Variants in FAM76B observed in about 807,000 individuals in gnomAD.
FAM76B encodes family with sequence similarity 76 member B.
A neutral mutation model predicts 51.8 loss-of-function variants in FAM76B; 16 were observed. The ratio of observed to expected loss-of-function variants is 0.31; its 90% CI spans 0.21 to 0.47. FAM76B has a LOEUF of 0.47. Among genes scored for constraint, FAM76B ranks in the 20% least tolerant of loss-of-function variants. FAM76B has a pLI of 1.00. For synonymous variants in FAM76B, 166 were observed against 129.5 expected (o/e 1.28, Z -1.91); for missense variants, 342 against 392.6 (o/e 0.87, Z 1.09).
At position 95,786,013 on chromosome 11, in the gene FAM76B, G is replaced by C. The variant is rs1591025312; in HGVS notation, c.363+106C>G. 8.1e-6 allele frequency: 11 copies of C among 1,365,628 alleles called. No homozygotes were observed. The East Asian group carries it at 2.3e-4, about 29-fold the overall frequency. 84.6% of individuals were successfully genotyped at this position (1,365,628 alleles called of 1,614,324 possible). A position where few individuals can be genotyped will look rare whatever the true frequency, so the allele number is the denominator to read the frequency against. ...TTTCATCTAACTACTTGCTTTCATG[G>C]ACCTAAAGAATAGATCCAGTCTCAG... On this transcript the variant is annotated intron_variant, in intron 4 of 9. Transcript: ENST00000358780.
Position 95,778,806 on chromosome 11 carries a change from T to A in FAM76B, c.828+16A>T. 6.3e-7 allele frequency: 1 copy of A among 1,582,042 alleles called. No individual in the cohort carries two copies. The highest frequency in any genetic ancestry group is 8.6e-7 in the Non-Finnish European group (1 of 1,168,940). ...ACACATAACTCTTACCAGGCTTCAA[T>A]GAACCATGTTCTTACCTTTTTATCT... On this transcript the variant is annotated intron_variant, in intron 8 of 9. Transcript: ENST00000358780.
chr11:95,777,343 T>G (rs1189877524), intron 8 of FAM76B, among the ~76,000 whole-genome samples: 1 of 151,266 alleles, frequency 6.6e-6, no homozygotes, highest in African/African-American at 2.4e-5. Context: ...AGAGGAACAC[T>G]AACAAAAGCA....
At chr11:95,778,746 G>T in intron 8 of FAM76B, 76 bp downstream of exon 8, 1 of 1,455,450 alleles carries the variant, frequency 6.9e-7, no homozygotes. Flanking sequence ...ATTAAAGGAA[G>T]TCTAATAAAA....
At chr11:95,787,793 C>T (rs888620894) in intron 2 of FAM76B, 115 bp from the exon 3 acceptor site, 1 of 812,920 alleles carries the variant, frequency 1.2e-6, no homozygotes, top group African/African-American at 1.8e-5. Context: ...ATAAGGACCA[C>T]GGATTTTTTT....
intron 9 of FAM76B, among the ~76,000 whole-genome samples, chr11:95,773,112 A>C (rs897403307): frequency 1.5e-5 from 2 of 135,594 alleles, no homozygotes; most frequent in Non-Finnish European, 3.5e-5. Context: ...TAAAATGTGA[A>C]TCTCCAAGTT....
chr11:95,770,293 G>A lies in FAM76B; in HGVS notation c.*1268C>T, dbSNP rs1859710893. On this transcript the variant is annotated 3_prime_UTR_variant, in exon 10 of 10. Coordinates refer to ENST00000358780, the MANE Select transcript of FAM76B (RefSeq NM_144664.5). ...TTTATAGACAATTTTAAAGACTTTA[G>A]GACAATTTACTTATAATGCCTGAAT... 1.3e-5 allele frequency: 2 copies of A among 151,624 alleles called. No homozygotes were observed. Among genetic ancestry groups the A allele is most frequent in the Admixed American group, 1.3e-4 (2 of 15,140 alleles). 9.4% of individuals were successfully genotyped at this position (151,624 alleles called of 1,614,324 possible). A position where few individuals can be genotyped will look rare whatever the true frequency, so the allele number is the denominator to read the frequency against.
chr11:95,788,130 A>G lies in FAM76B; in HGVS notation c.152+369T>C, dbSNP rs1445982080. On this transcript the variant is annotated intron_variant, in intron 2 of 9. Transcript: ENST00000358780. Reference sequence around the variant, plus strand: ...ACGTACTACTCCTCTTCTATGTAACAAATTATTAGATTTTCACCTTGGAAG... The same window carrying G: ...ACGTACTACTCCTCTTCTATGTAACGAATTATTAGATTTTCACCTTGGAAG... 1.3e-5 allele frequency among the ~76,000 whole-genome samples: 2 copies of G among 152,230 alleles called. 1 individual carries two copies. Among genetic ancestry groups the G allele is most frequent in the South Asian group, 4.1e-4 (2 of 4,834 alleles).
At position 95,771,643 on chromosome 11, in the gene FAM76B, T is replaced by A. The variant is rs376848080; in HGVS notation, c.938A>T (p.Asn313Ile). The A allele has an allele frequency of 1.2e-6, 2 of 1,603,494 alleles. No homozygotes were observed. The highest frequency in any genetic ancestry group is 2.7e-5 in the African/African-American group (2 of 74,392). Residue 313 changes from asparagine to isoleucine, a missense_variant, in exon 10 of 10, where the codon AAC (asparagine) becomes ATC (isoleucine). By Grantham distance (149) the Asn-to-Ile change is moderately radical. Around this residue, in one of 3 missense-constraint regions of FAM76B, gnomAD observed 230 missense variants for 257.4 expected, o/e 0.89. Transcript: ENST00000358780. ...KETVEQLQAK[N>I]RELLKQVAAL... ...TGCGACCTGTTTGAGTAGTTCTCTG[T>A]TTTTGGCCTGTGGGAGACAAAAACA...
intron 1 of FAM76B, chr11:95,788,776 G>T: frequency 7.0e-7 from 1 of 1,434,966 alleles, no homozygotes; most frequent in Non-Finnish European, 9.3e-7. Context: ...GTAGACGTGG[G>T]GGTATATTAC....
At position 95,789,634 on chromosome 11, in the gene FAM76B, G is replaced by GCGGACGACGCCA. The variant is rs1194867329; in HGVS notation, c.-168_-157dup. ...CCTCGCCGCGAGAGCCCAGGGCCCCGCGGACGACGCCACCGTCTCCCTCCG... is the reference window on the plus strand; with the variant it reads ...CCTCGCCGCGAGAGCCCAGGGCCCCGCGGACGACGCCACGGACGACGCCACCGTCTCCCTCCG... On this transcript the variant is annotated 5_prime_UTR_variant, in exon 1 of 10. Coordinates refer to ENST00000358780, the MANE Select transcript of FAM76B (RefSeq NM_144664.5). The GCGGACGACGCCA allele has an allele frequency of 1.8e-6, 1 of 561,398 alleles. No individual in the cohort carries two copies. Among genetic ancestry groups the GCGGACGACGCCA allele is most frequent in the Non-Finnish European group, 3.0e-6 (1 of 332,010 alleles). 34.8% of individuals were successfully genotyped at this position (561,398 alleles called of 1,614,324 possible). A position where few individuals can be genotyped will look rare whatever the true frequency, so the allele number is the denominator to read the frequency against.
chr11:95,775,967 C>G lies in FAM76B; in HGVS notation c.885G>C (p.Met295Ile). Reference sequence around the variant, plus strand: ...CTTTGTGGGCTTTTTCCATACTGTTCATTTTTGTTCTCAAATTTGACTCTT... The same window carrying G: ...CTTTGTGGGCTTTTTCCATACTGTTGATTTTTGTTCTCAAATTTGACTCTT... ...QYQESNLRTKMNSMEKAHKET... is the reference protein window; with the variant it reads ...QYQESNLRTKINSMEKAHKET... Residue 295 changes from methionine (M) to isoleucine (I), a missense_variant, in exon 9 of 10, where the codon ATG becomes ATC. By Grantham distance (10) the Met-to-Ile change is conservative. This residue lies in a region of FAM76B where 230 missense variants were observed against 257.4 expected (regional missense o/e 0.89). Coordinates refer to ENST00000358780, the MANE Select transcript of FAM76B (RefSeq NM_144664.5). The G allele has an allele frequency of 6.3e-7, 1 of 1,594,412 alleles. No homozygotes were observed. The highest frequency in any genetic ancestry group is 8.5e-7 in the Non-Finnish European group (1 of 1,170,126).
intron 3 of FAM76B, 144 bp from the exon 4 acceptor site, chr11:95,786,418 T>C (rs1189314807): frequency 1.3e-6 from 1 of 797,384 alleles, no homozygotes; most frequent in East Asian, 2.7e-5. Flanking sequence ...CCCTGTCACA[T>C]GCAATAACTT....
intron 5 of FAM76B, among the ~76,000 whole-genome samples, chr11:95,781,973 G>A (rs781061590): frequency 6.6e-6 from 1 of 152,172 alleles, no homozygotes; most frequent in East Asian, 1.9e-4. Context: ...AAATGAGGTG[G>A]GCATCAGTTG....
Position 95,789,718 on chromosome 11 carries a change from C to G in FAM76B, c.-240G>C. ...CGTGCCAGCCGCTCCCGCTTAGGCC[C>G]CGATAGCGGCGGAGGGAGACGAAGC... is the stretch of plus-strand genomic sequence containing the variant. On this transcript the variant is annotated 5_prime_UTR_variant, in exon 1 of 10. Coordinates refer to ENST00000358780, the MANE Select transcript of FAM76B (RefSeq NM_144664.5). 1 of 488,382 alleles carries G rather than the reference C, an allele frequency of 2.0e-6. No individual in the cohort carries two copies. Among genetic ancestry groups the G allele is most frequent in the Non-Finnish European group, 3.6e-6 (1 of 279,024 alleles). The allele number at this position is 488,382 out of a possible 1,614,324, so 30.3% of individuals were successfully genotyped here.
At chr11:95,784,063 TA>T (rs1229047391) in intron 4 of FAM76B, among the ~76,000 whole-genome samples, 3 of 152,072 alleles carry the variant, frequency 2.0e-5, no homozygotes, top group African/African-American at 7.3e-5. Context: ...GTAGACTGGA[TA>T]AAGAAAACAT....
chr11:95,786,336 C>A (rs1591025808), intron 3 of FAM76B, 62 bp from the exon 4 acceptor site: 1 of 1,552,522 alleles, frequency 6.4e-7, no homozygotes, highest in South Asian at 1.2e-5. Context: ...ATAGCATATA[C>A]CCAGTGTTGT....
intron 9 of FAM76B, among the ~76,000 whole-genome samples, chr11:95,774,289 A>C (rs1859901360): frequency 1.3e-5 from 2 of 151,410 alleles, no homozygotes; most frequent in African/African-American, 4.8e-5. Flanking sequence ...TTTTGCAACA[A>C]GTAAGACAGC....
At position 95,775,939 on chromosome 11, in the gene FAM76B, T is replaced by C. The variant is rs1313248080; in HGVS notation, c.913A>G (p.Thr305Ala). The change falls in exon 9 of 10, where the codon ACT (threonine) becomes GCT (alanine). Residue 305 changes from threonine (T) to alanine (A), a missense_variant. Coordinates refer to ENST00000358780, the MANE Select transcript of FAM76B (RefSeq NM_144664.5). The stretch of plus-strand genomic sequence containing the variant: ...GTAGTTACCTGAAGTTGTTCCACAG[T>C]TTCTTTGTGGGCTTTTTCCATACTG... ...MNSMEKAHKE[T>A]VEQLQAKNRE... 1 of 1,586,368 alleles carries C rather than the reference T, an allele frequency of 6.3e-7. No individual in the cohort carries two copies. The highest frequency in any genetic ancestry group is 1.8e-5 in the Admixed American group (1 of 55,662).
chr11:95,777,005 A>G (rs1162742240), intron 8 of FAM76B, among the ~76,000 whole-genome samples: 2 of 151,240 alleles, frequency 1.3e-5, no homozygotes, highest in Admixed American at 6.6e-5. Context: ...TCTAATCACA[A>G]AAGATTTTCT....
Sources: allele counts gnomAD v4.1 joint callset (sites outside exome capture counted in the v4.1 genomes callset), GRCh38; gene constraint gnomAD v4.1.1; regional missense constraint gnomAD v4.1.1; transcripts MANE v1.5; gene names NCBI Gene and HGNC (gene_info 2026-07-23, HGNC 2026-07-21).